Variants in ADGRV1 observed in about 807,000 individuals in gnomAD.
ADGRV1 encodes the protein adhesion G protein-coupled receptor V1, also known as G-protein coupled receptor 98.
A neutral mutation model predicts 596.2 loss-of-function variants in ADGRV1; 359 were observed. The ratio of observed to expected loss-of-function variants is 0.60; its 90% CI spans 0.55 to 0.66. ADGRV1 has a LOEUF of 0.66. Among genes scored for constraint, ADGRV1 ranks in the 30% least tolerant of loss-of-function variants. The probability of loss-of-function intolerance (pLI) is 0.00; values close to 1 mark genes in which losing one functional copy is unlikely to be tolerated. For missense variants in ADGRV1, 7,274 were observed against 7,575.6 expected, an observed-to-expected ratio of 0.96 and a Z score of 1.48; for synonymous variants, 2,681 against 2,679.2, an observed-to-expected ratio of 1.00 and a Z score of -0.02.
At chr5:90,875,425 A>T (rs369071446) in intron 83 of ADGRV1, among the ~76,000 whole-genome samples, 1 of 152,242 alleles carries the variant, frequency 6.6e-6, no homozygotes, top group East Asian at 1.9e-4. Flanking sequence ...ATCCTAATTG[A>T]ATTTGTAACT....
intron 28 of ADGRV1, among the ~76,000 whole-genome samples, chr5:90,685,494 A>G (rs892312359): frequency 6.6e-6 from 1 of 152,018 alleles, no homozygotes; most frequent in African/African-American, 2.4e-5. Flanking sequence ...CTGAGGCAGG[A>G]GAATTGCTTG....
At chr5:90,787,983 AT>A in intron 67 of ADGRV1, 87 bp from the exon 68 acceptor site, 2 of 887,324 alleles carry the variant, frequency 2.3e-6, no homozygotes, top group Non-Finnish European at 3.3e-6. Context: ...ATGTGTATAT[AT>A]TTTCTTAATA....
At chr5:91,086,308 C>G (rs188244463) in intron 86 of ADGRV1, among the ~76,000 whole-genome samples, 1 of 152,310 alleles carries the variant, frequency 6.6e-6, no homozygotes, top group East Asian at 1.9e-4. Flanking sequence ...GGGTTTCTCT[C>G]TGATCGCTTG....
chr5:91,055,800 G>T (rs1581917849), intron 85 of ADGRV1, among the ~76,000 whole-genome samples: 1 of 152,182 alleles, frequency 6.6e-6, no homozygotes, highest in East Asian at 1.9e-4. Context: ...GAATCTTTAA[G>T]CAAGTCTTTA....
chr5:90,648,195 G>A (rs1297638297), intron 17 of ADGRV1, among the ~76,000 whole-genome samples: 1 of 152,132 alleles, frequency 6.6e-6, no homozygotes, highest in Non-Finnish European at 1.5e-5. Context: ...AACTTCAACT[G>A]TTTGATAATT....
intron 43 of ADGRV1, among the ~76,000 whole-genome samples, 154 bp from the exon 44 acceptor site, chr5:90,719,894 A>G (rs1381392423): frequency 6.6e-6 from 1 of 152,240 alleles, no homozygotes; most frequent in African/African-American, 2.4e-5. Flanking sequence ...AACAGATGTA[A>G]CCATCACATT....
intron 26 of ADGRV1, 92 bp from the exon 27 acceptor site, chr5:90,681,223 C>T (rs1317628630): frequency 2.8e-6 from 4 of 1,414,150 alleles, no homozygotes; most frequent in Non-Finnish European, 3.9e-6. Context: ...TGGAAGGACT[C>T]TTTTCAAAAA....
At chr5:90,946,246 TG>T (rs1776567609) in intron 83 of ADGRV1, among the ~76,000 whole-genome samples, 1 of 151,918 alleles carries the variant, frequency 6.6e-6, no homozygotes, top group Admixed American at 6.6e-5. Context: ...ATGGGCACAG[TG>T]GTATAGATGA....
intron 15 of ADGRV1, 122 bp from the exon 16 acceptor site, chr5:90,645,846 A>C: frequency 1.4e-6 from 1 of 707,958 alleles, no homozygotes; most frequent in East Asian, 3.6e-5. Context: ...CTGCCTCCGA[A>C]AAGGAAATGA....
At chr5:90,814,471 T>A (rs1762718694) in intron 74 of ADGRV1, among the ~76,000 whole-genome samples, 1 of 152,138 alleles carries the variant, frequency 6.6e-6, no homozygotes, top group Non-Finnish European at 1.5e-5. Flanking sequence ...TCAATTTTCA[T>A]CTCCAGTTGT....
At chr5:90,628,536 T>C in intron 7 of ADGRV1, 26 bp from the exon 8 acceptor site, 1 of 1,593,964 alleles carries the variant, frequency 6.3e-7, no homozygotes, top group Non-Finnish European at 8.6e-7. Context: ...TATGTGACAA[T>C]ATGTATTTCT....
chr5:91,081,830 T>C (rs933265328), intron 86 of ADGRV1, among the ~76,000 whole-genome samples: 11 of 152,050 alleles, frequency 7.2e-5, no homozygotes, highest in African/African-American at 2.4e-4. Context: ...AAAATAAATA[T>C]TCACTACTTC....
rs959132080 is a variant in ADGRV1 at position 90,643,031 on chromosome 5, G to A, written c.2543G>A (p.Gly848Glu). Residue 848 changes from glycine to glutamate, a missense_variant, in exon 13 of 90, where the codon GGG (glycine) becomes GAG (glutamate). By Grantham distance (98) the Gly-to-Glu change is moderately conservative. This residue lies in a region of ADGRV1 where 1,715 missense variants were observed against 1,708.8 expected (regional missense o/e 1.00). Coordinates refer to ENST00000405460, the MANE Select transcript of ADGRV1 (RefSeq NM_032119.4). Reference protein sequence around the residue: ...IVITLLARLDGIPELDEHYWV... With the variant: ...IVITLLARLDEIPELDEHYWV... ...ATCACCTTGCTAGCAAGATTGGATG[G>A]GATACCAGAGGTATGGGATTTTATA... is the stretch of plus-strand genomic sequence containing the variant. The A allele has an allele frequency of 3.7e-6, 6 of 1,611,918 alleles. No homozygotes were observed. In the African/African-American group the frequency reaches 8.0e-5, roughly 22 times the overall value.
At chr5:90,822,541 A>G (rs1319350897) in intron 75 of ADGRV1, among the ~76,000 whole-genome samples, 2 of 152,044 alleles carry the variant, frequency 1.3e-5, no homozygotes, top group East Asian at 1.9e-4. Flanking sequence ...GCCTTGTAGT[A>G]TAGTTTGAGG....
chr5:91,056,014 A>G (rs1482507959), intron 85 of ADGRV1, among the ~76,000 whole-genome samples: 1 of 152,182 alleles, frequency 6.6e-6, no homozygotes, highest in African/African-American at 2.4e-5. Flanking sequence ...TTGTGGAAGC[A>G]TTTTCCCTGC....
chr5:90,562,523 A>T (rs1754972650), intron 1 of ADGRV1, among the ~76,000 whole-genome samples: 1 of 152,126 alleles, frequency 6.6e-6, no homozygotes, highest in South Asian at 2.1e-4. Context: ...ACTGTGACAC[A>T]CTATACACTT....
At chr5:90,860,737 C>G (rs1368780318) in intron 82 of ADGRV1, among the ~76,000 whole-genome samples, 1 of 148,886 alleles carries the variant, frequency 6.7e-6, no homozygotes, top group Non-Finnish European at 1.5e-5. Flanking sequence ...AAAAAAAAGC[C>G]TAAGCTAAAA....
At chr5:90,559,599 C>T (rs567670618) in intron 1 of ADGRV1, among the ~76,000 whole-genome samples, 1 of 152,132 alleles carries the variant, frequency 6.6e-6, no homozygotes, top group Non-Finnish European at 1.5e-5. Flanking sequence ...GTTAACTTAT[C>T]CTATGTAACT....
At chr5:90,608,920 A>G (rs927902147) in intron 1 of ADGRV1, among the ~76,000 whole-genome samples, 9 of 152,078 alleles carry the variant, frequency 5.9e-5, no homozygotes, top group African/African-American at 2.2e-4. Flanking sequence ...ACTATTCCCC[A>G]AGAGTGAATT....
Sources: allele counts gnomAD v4.1 joint callset (sites outside exome capture counted in the v4.1 genomes callset), GRCh38; gene constraint gnomAD v4.1.1; regional missense constraint gnomAD v4.1.1; transcripts MANE v1.5; gene names NCBI Gene and HGNC (gene_info 2026-07-23, HGNC 2026-07-21).